Variants in COL6A3 observed in about 807,000 individuals in gnomAD.
COL6A3 encodes collagen type VI alpha 3 chain.
Under a neutral mutation model 274.1 loss-of-function variants are expected in COL6A3, and 137 were observed. The observed-to-expected ratio is 0.50, with a 90% confidence interval of 0.44 to 0.58. COL6A3 has a LOEUF of 0.58. Among genes scored for constraint, COL6A3 ranks in the 20% least tolerant of loss-of-function variants. The probability of loss-of-function intolerance (pLI) is 0.00; values close to 1 mark genes in which losing one functional copy is unlikely to be tolerated. For missense variants in COL6A3, 3,950 were observed against 4,124.9 expected (o/e 0.96, Z 1.16); for synonymous variants, 1,650 against 1,650.6 (o/e 1.00, Z 0.01).
At position 237,348,367 on chromosome 2, in the gene COL6A3, A is replaced by G; in HGVS notation, c.6948T>C (p.Pro2316=). The change falls in exon 30 of 44, where the codon CCT becomes CCC. Residue 2316 remains proline, a synonymous_variant. Transcript: ENST00000295550. ...RRGKKGERGF[P]GYPGPKGNPG... is the part of the protein sequence containing the mutation. The stretch of plus-strand genomic sequence containing the variant: ...TATTTACCTTTGGTCCTGGGTATCC[A>G]GGGAATCCTCTTTCTCCCTATAAAG... The G allele has an allele frequency of 6.2e-7, 1 of 1,608,652 alleles. No individual in the cohort carries two copies. The highest frequency in any genetic ancestry group is 1.3e-5 in the African/African-American group (1 of 74,950).
chr2:237,363,143 G>C (rs2077474171), intron 14 of COL6A3, 110 bp downstream of exon 14: 13 of 913,684 alleles, frequency 1.4e-5, no homozygotes, highest in South Asian at 8.5e-5. Flanking sequence ...ATCTACCAAG[G>C]CCCCCCCCCC....
Position 237,379,219 on chromosome 2 carries a change from C to A in COL6A3, c.1914G>T (p.Arg638Ser). ...ATCCATCCAAAAGAAAGATGATATC[C>A]CTTTTGTTTGAGTGAACTGCAGTGA... The part of the protein sequence containing the change: ...SGTPEVHSNK[R>S]DIIFLLDGSA... The change falls in exon 6 of 44, where the codon AGG becomes AGT. Residue 638 changes from arginine to serine, a missense_variant. Arg to Ser is a moderately radical substitution (Grantham distance 110, BLOSUM62 -1). This residue lies in a region of COL6A3 where 1,934 missense variants were observed against 1,984.3 expected (regional missense o/e 0.97). Coordinates refer to ENST00000295550, the MANE Select transcript of COL6A3 (RefSeq NM_004369.4). 6.2e-7 allele frequency: 1 copy of A among 1,614,068 alleles called. No individual in the cohort carries two copies. Among genetic ancestry groups the A allele is most frequent in the South Asian group, 1.1e-5 (1 of 91,082 alleles).
Position 237,379,034 on chromosome 2 carries a change from G to A in COL6A3, c.2099C>T (p.Ser700Leu). 3 of 1,614,174 alleles carry A rather than the reference G, an allele frequency of 1.9e-6. No individual in the cohort carries two copies. The highest frequency in any genetic ancestry group is 2.5e-6 in the Non-Finnish European group (3 of 1,180,034). ...CTGCCTCAGATGACCAAGGATATCTGACTTGGTCTGGTATGTGTTTAAAGA... is the reference window on the plus strand; with the variant it reads ...CTGCCTCAGATGACCAAGGATATCTAACTTGGTCTGGTATGTGTTTAAAGA... ...EFSLNTYQTKSDILGHLRQLQ... is the reference protein window; with the variant it reads ...EFSLNTYQTKLDILGHLRQLQ... The change falls in exon 6 of 44, where the codon TCA becomes TTA. Residue 700 changes from serine (S) to leucine (L), a missense_variant. By Grantham distance (145) the Ser-to-Leu change is moderately radical. This residue lies in a region of COL6A3 where 1,934 missense variants were observed against 1,984.3 expected (regional missense o/e 0.97). Transcript: ENST00000295550.
In COL6A3 at chr2:237,394,818, G is replaced by A. The variant is rs200483815; in HGVS notation, c.478C>T (p.Leu160=). Residue 160 remains leucine (L), a synonymous_variant, in exon 3 of 44, where the codon CTG becomes TTG. Transcript: ENST00000295550. The part of the protein sequence containing the change: ...TDGHSKDGLA[L]PSAELKSADV... ...GCAGACTTAAGTTCCGCTGAGGGCA[G>A]AGCAAGGCCATCCTTCGAGTGTCCA... 3 of 1,614,172 alleles carry A rather than the reference G, an allele frequency of 1.9e-6. No homozygotes were observed. Among genetic ancestry groups the A allele is most frequent in the East Asian group, 2.2e-5 (1 of 44,888 alleles).
intron 31 of COL6A3, among the ~76,000 whole-genome samples, chr2:237,347,165 T>G (rs2106327514): frequency 6.6e-6 from 1 of 151,872 alleles, no homozygotes; most frequent in South Asian, 2.1e-4. Flanking sequence ...ATCCCAGCAC[T>G]TTGGGAGGCT....
At position 237,364,413 on chromosome 2, in the gene COL6A3, T is replaced by C; in HGVS notation, c.5854A>G (p.Thr1952Ala). ...GCCAGATCTCCGTCTGCTCCATCAGTAAAATGAATGACCACCTGCAGATAA... is the reference window on the plus strand; with the variant it reads ...GCCAGATCTCCGTCTGCTCCATCAGCAAAATGAATGACCACCTGCAGATAA... ...PDSVKVVIHFTDGADGDLADL... is the reference protein window; with the variant it reads ...PDSVKVVIHFADGADGDLADL... Residue 1952 changes from threonine to alanine, a missense_variant, in exon 13 of 44, where the codon ACT (threonine) becomes GCT (alanine). Physicochemically the swap from Thr to Ala is moderately conservative, Grantham distance 58 (BLOSUM62 0). Around this residue, in one of 5 missense-constraint regions of COL6A3, gnomAD observed 632 missense variants for 623.4 expected, o/e 1.01. Coordinates refer to ENST00000295550, the MANE Select transcript of COL6A3 (RefSeq NM_004369.4). This position sits in a 1 kb window ranked among gnomAD's most constrained non-coding sequence, Gnocchi z 4.6. 1.9e-6 allele frequency: 3 copies of C among 1,613,768 alleles called. No homozygotes were observed. Among genetic ancestry groups the C allele is most frequent in the Non-Finnish European group, 8.5e-7 (1 of 1,179,770 alleles).
chr2:237,350,039 A>G (rs1039805929), intron 28 of COL6A3, 108 bp downstream of exon 28: 9 of 1,050,156 alleles, frequency 8.6e-6, no homozygotes, highest in South Asian at 6.3e-5. Flanking sequence ...CGTATCCCCA[A>G]TAATACAAGA....
chr2:237,340,617 A>G lies in COL6A3; in HGVS notation c.8299T>C (p.Tyr2767His). Residue 2767 changes from tyrosine to histidine, a missense_variant, in exon 38 of 44, where the codon TAC becomes CAC. Transcript: ENST00000295550. The stretch of plus-strand genomic sequence containing the variant: ...CCAATGCCCAGGACCACGAAGAAGT[A>G]GCCCTTGCATTTGGCCTGCAGGATG... ...RVILQAKCKG[Y>H]FFVVLGIGRK... The G allele has an allele frequency of 1.2e-6, 2 of 1,614,228 alleles. No homozygotes were observed. Among genetic ancestry groups the G allele is most frequent in the Non-Finnish European group, 1.7e-6 (2 of 1,180,046 alleles).
At chr2:237,373,677 C>T (rs1441334960) in intron 8 of COL6A3, among the ~76,000 whole-genome samples, 3 of 152,084 alleles carry the variant, frequency 2.0e-5, no homozygotes, top group Admixed American at 1.3e-4. Flanking sequence ...GGAGCAAGGC[C>T]GCATCTGCCT....
chr2:237,406,271 G>T (rs1470086581), intron 1 of COL6A3, among the ~76,000 whole-genome samples: 1 of 152,060 alleles, frequency 6.6e-6, no homozygotes, highest in African/African-American at 2.4e-5. Flanking sequence ...CATTTTCCAT[G>T]TCTGGAAATC....
intron 42 of COL6A3, among the ~76,000 whole-genome samples, chr2:237,332,110 TA>T (rs1700286787): frequency 2.8e-5 from 2 of 72,516 alleles, no homozygotes; most frequent in Non-Finnish European, 5.3e-5. Flanking sequence ...TATATATATA[TA>T]TATATATGAA....
Position 237,340,605 on chromosome 2 carries a change from C to T in COL6A3, c.8311G>A (p.Val2771Ile). The T allele has an allele frequency of 6.2e-7, 1 of 1,614,242 alleles. No homozygotes were observed. The highest frequency in any genetic ancestry group is 8.5e-7 in the Non-Finnish European group (1 of 1,180,050). Residue 2771 changes from valine (V) to isoleucine (I), a missense_variant, in exon 38 of 44, where the codon GTC becomes ATC. This residue lies in a region of COL6A3 where 1,284 missense variants were observed against 1,349.7 expected (regional missense o/e 0.95). Transcript: ENST00000295550. ...TTCACCTTCCTGCCAATGCCCAGGA[C>T]CACGAAGAAGTAGCCCTTGCATTTG... ...QAKCKGYFFV[V>I]LGIGRKVNIK...
intron 42 of COL6A3, chr2:237,330,060 T>A (rs1252120500): frequency 6.6e-6 from 1 of 152,236 alleles, no homozygotes; most frequent in Non-Finnish European, 1.5e-5. Flanking sequence ...CACAGGTGAT[T>A]AAGCCAATAA....
Position 237,380,931 on chromosome 2 carries a change from G to T in COL6A3, c.1881C>A (p.Leu627=). ...LPGLLAPLRT[L]SGTPEVHSNK... ...CCACCATACCTTCAGGGGTTCCAGA[G>T]AGGGTCCTGAGAGGTGCCAGCAAGC... The change falls in exon 5 of 44, where the codon CTC becomes CTA. Residue 627 remains leucine, a synonymous_variant. Coordinates refer to ENST00000295550, the MANE Select transcript of COL6A3 (RefSeq NM_004369.4). 1 of 1,614,080 alleles carries T rather than the reference G, an allele frequency of 6.2e-7. No individual in the cohort carries two copies. The highest frequency in any genetic ancestry group is 1.3e-5 in the African/African-American group (1 of 75,066).
chr2:237,339,077 C>T lies in COL6A3; in HGVS notation c.8505G>A (p.Gln2835=). ...AFYLSPDIRK[Q]CDWFQGDQPT... ...GTTGGTCCCCTTGGAACCAATCACA[C>T]TGTTTCCTGATATCTGGGGACAAGT... Residue 2835 remains glutamine, a synonymous_variant, in exon 39 of 44, where the codon CAG becomes CAA. Coordinates refer to ENST00000295550, the MANE Select transcript of COL6A3 (RefSeq NM_004369.4). The T allele has an allele frequency of 6.2e-6, 10 of 1,614,140 alleles. No homozygotes were observed. The highest frequency in any genetic ancestry group is 8.5e-6 in the Non-Finnish European group (10 of 1,180,018).
At chr2:237,392,513 G>A (rs1173503519) in intron 3 of COL6A3, among the ~76,000 whole-genome samples, 3 of 152,054 alleles carry the variant, frequency 2.0e-5, no homozygotes, top group Non-Finnish European at 4.4e-5. Flanking sequence ...CTCTCCATCA[G>A]TCACCTCACC....
At chr2:237,406,178 A>T (rs1211023664) in intron 1 of COL6A3, among the ~76,000 whole-genome samples, 1 of 152,184 alleles carries the variant, frequency 6.6e-6, no homozygotes, top group African/African-American at 2.4e-5. Context: ...ATCATATTCA[A>T]TCATATTCCA....
intron 7 of COL6A3, among the ~76,000 whole-genome samples, chr2:237,375,989 C>T (rs1026384848): frequency 6.6e-6 from 1 of 152,204 alleles, no homozygotes; most frequent in Non-Finnish European, 1.5e-5. Context: ...CAAGAAAAAA[C>T]TTGGGATGGG....
rs2077195232 is a variant in COL6A3, at chr2:237,351,015, TG to T, written c.6816+114del. On this transcript the variant is annotated intron_variant, in intron 27 of 43. Coordinates refer to ENST00000295550, the MANE Select transcript of COL6A3 (RefSeq NM_004369.4). ...CCGCGATCAACAGGGGAGGCTGGAG[TG>T]GGAACCAGTAGTACTGAAGAGGAGG... The T allele has an allele frequency of 6.2e-6, 6 of 965,820 alleles. No individual in the cohort carries two copies. The Admixed American group carries it at 1.1e-4, about 17-fold the overall frequency. 59.8% of individuals were successfully genotyped at this position (965,820 alleles called of 1,614,324 possible). A position where few individuals can be genotyped will look rare whatever the true frequency, so the allele number is the denominator to read the frequency against.
Sources: gnomAD v4.1 joint callset for allele counts (sites outside exome capture counted in the v4.1 genomes callset) on GRCh38, gnomAD v4.1.1 for gene constraint, gnomAD v4.1.1 regional missense constraint, Gnocchi (gnomAD v3.1) non-coding constraint, MANE v1.5 for transcripts, NCBI Gene and HGNC (gene_info 2026-07-23, HGNC 2026-07-21) for gene names.